Variants in MNAT1 observed in about 807,000 individuals in gnomAD.
MNAT1 encodes CDK-activating kinase assembly factor MAT1.
MNAT1 carries 43 observed loss-of-function variants against 42.0 expected under a neutral mutation model. That is an observed-to-expected ratio of 1.02 (90% CI 0.80 to 1.32). The LOEUF (loss-of-function observed/expected upper bound fraction) is 1.32, where lower values mean the gene tolerates loss of function less well. MNAT1 is among the 40% of genes most tolerant of loss of function. The pLI is 0.00. For missense variants in MNAT1, 306 were observed against 350.4 expected, an observed-to-expected ratio of 0.87 and a Z score of 1.01; for synonymous variants, 118 against 120.0, an observed-to-expected ratio of 0.98 and a Z score of 0.11.
intron 7 of MNAT1, among the ~76,000 whole-genome samples, chr14:60,898,105 G>T (rs1017653216): frequency 4.1e-5 from 1 of 24,582 alleles, no homozygotes; most frequent in Non-Finnish European, 1.5e-4. Context: ...TTGTGTGTGT[G>T]TGTGTGTGTG....
At chr14:60,741,062 C>T (rs950086523) in intron 1 of MNAT1, among the ~76,000 whole-genome samples, 1 of 152,092 alleles carries the variant, frequency 6.6e-6, no homozygotes, top group African/African-American at 2.4e-5. Context: ...GATTGTTATG[C>T]CTTCCTAATA....
intron 3 of MNAT1, among the ~76,000 whole-genome samples, chr14:60,806,954 T>C (rs2032390244): frequency 6.6e-6 from 1 of 152,186 alleles, no homozygotes; most frequent in African/African-American, 2.4e-5. Flanking sequence ...GTGTGATTTA[T>C]GAAGATTGTC....
At chr14:60,762,731 T>A (rs564585023) in intron 1 of MNAT1, among the ~76,000 whole-genome samples, 121 of 140,390 alleles carry the variant, frequency 8.6e-4, no homozygotes, top group South Asian at 8.2e-3. Flanking sequence ...AAAAAGACAT[T>A]GTGTGGTAAA....
chr14:60,916,035 G>A (rs979409390), intron 7 of MNAT1, among the ~76,000 whole-genome samples: 9 of 152,268 alleles, frequency 5.9e-5, no homozygotes, highest in African/African-American at 2.2e-4. Flanking sequence ...GAGCGCTGTG[G>A]TAACTTTTCC....
intron 6 of MNAT1, among the ~76,000 whole-genome samples, chr14:60,843,065 G>T (rs1428148458): frequency 6.6e-6 from 1 of 152,190 alleles, no homozygotes; most frequent in Non-Finnish European, 1.5e-5. Context: ...TACCTGAGCT[G>T]TTTATAGTTT....
At chr14:60,916,128 G>A (rs1044194408) in intron 7 of MNAT1, among the ~76,000 whole-genome samples, 2 of 152,188 alleles carry the variant, frequency 1.3e-5, no homozygotes, top group African/African-American at 4.8e-5. Flanking sequence ...ATAGCCTGAT[G>A]TTGGCTCTAT....
At chr14:60,966,751 T>A (rs879283464) in intron 7 of MNAT1, among the ~76,000 whole-genome samples, 1 of 152,206 alleles carries the variant, frequency 6.6e-6, no homozygotes, top group Non-Finnish European at 1.5e-5. Context: ...TGACTTCAGA[T>A]GATCCGCCCA....
At chr14:60,913,731 G>A (rs1303686995) in intron 7 of MNAT1, among the ~76,000 whole-genome samples, 1 of 152,162 alleles carries the variant, frequency 6.6e-6, no homozygotes, top group Non-Finnish European at 1.5e-5. Flanking sequence ...GTGTCAGTCT[G>A]CCCCTACTGG....
Position 60,869,023 on chromosome 14 carries a change from C to CATATATATATATATATATAT in MNAT1, c.688-10673_688-10672insATATATATATATATATATAT, listed in dbSNP as rs1169429243. On this transcript the variant is annotated intron_variant, in intron 6 of 7. Coordinates refer to ENST00000261245, the MANE Select transcript of MNAT1 (RefSeq NM_002431.4). ...CTTTTTTATATTGTGTTATTTTATA[C>CATATATATATATATATATAT]ATATATATATATATATATTTTTTTT... is the stretch of plus-strand genomic sequence containing the variant. 4.5e-3 allele frequency among the ~76,000 whole-genome samples: 454 copies of CATATATATATATATATATAT among 101,578 alleles called. 9 individuals are homozygous for CATATATATATATATATATAT. Among genetic ancestry groups the CATATATATATATATATATAT allele is most frequent in the Non-Finnish European group, 6.9e-3 (316 of 46,060 alleles). 66.6% of individuals were successfully genotyped at this position (101,578 alleles called of 152,430 possible).
chr14:60,828,043 TATG>T (rs1393048293), intron 6 of MNAT1, among the ~76,000 whole-genome samples: 3 of 152,190 alleles, frequency 2.0e-5, no homozygotes, highest in Non-Finnish European at 4.4e-5. Flanking sequence ...ATAAAATTTT[TATG>T]AAATGAATAG....
At chr14:60,742,914 A>G (rs1265874031) in intron 1 of MNAT1, among the ~76,000 whole-genome samples, 1 of 152,214 alleles carries the variant, frequency 6.6e-6, no homozygotes, top group Non-Finnish European at 1.5e-5. Flanking sequence ...CATTTGAGTC[A>G]TTTCTACTTT....
chr14:60,854,544 A>C (rs1012529195), intron 6 of MNAT1, among the ~76,000 whole-genome samples: 7 of 152,150 alleles, frequency 4.6e-5, no homozygotes, highest in African/African-American at 1.7e-4. Flanking sequence ...TAGTGCTTCT[A>C]ACAGTCAGTC....
chr14:60,766,702 C>T (rs1296072855), intron 1 of MNAT1, among the ~76,000 whole-genome samples: 1 of 152,128 alleles, frequency 6.6e-6, no homozygotes, highest in African/African-American at 2.4e-5. Context: ...GAGCAAGACT[C>T]CGTCTCAAAA....
rs1166330578 is a variant in MNAT1, at chr14:60,740,396, ATAGTTT to A, written c.89+5446_89+5451del. ...CTCTCTCATTTACTGATGTTACTGGATAGTTTATCCTGAAGAGTCCGAATTTTGCTT... is the reference window on the plus strand; with the variant it reads ...CTCTCTCATTTACTGATGTTACTGGAATCCTGAAGAGTCCGAATTTTGCTT... On this transcript the variant is annotated intron_variant, in intron 1 of 7. Coordinates refer to ENST00000261245, the MANE Select transcript of MNAT1 (RefSeq NM_002431.4). The surrounding 1 kb of genome is among the most constrained non-coding windows in gnomAD (Gnocchi z 4.1). 6.7e-6 allele frequency among the ~76,000 whole-genome samples: 1 copy of A among 150,144 alleles called. No individual in the cohort carries two copies. The highest frequency in any genetic ancestry group is 1.5e-5 in the Non-Finnish European group (1 of 67,508).
rs113746860 is a variant in MNAT1, at chr14:60,968,316, T to C, written c.897T>C (p.Asp299=). The change falls in exon 8 of 8, where the codon GAT becomes GAC. Residue 299 remains aspartate, a synonymous_variant. Transcript: ENST00000261245. The stretch of plus-strand genomic sequence containing the variant: ...TTGCTTGTCACAGAGCACTACAGGA[T>C]GCATTCAGTGGGCTTTTCTGGCAGC... ...SSLACHRALQ[D]AFSGLFWQPS 24 of 1,613,748 alleles carry C rather than the reference T, an allele frequency of 1.5e-5. No homozygotes were observed. The African/African-American group carries it at 2.1e-4, about 14-fold the overall frequency.
intron 1 of MNAT1, chr14:60,779,933 A>G (rs2031395500): frequency 1.6e-6 from 2 of 1,277,850 alleles, no homozygotes; most frequent in South Asian, 1.2e-5. Flanking sequence ...CCGTGTAGTG[A>G]AAGCGCGTGC....
chr14:60,847,541 A>T (rs1370597443), intron 6 of MNAT1, among the ~76,000 whole-genome samples: 6 of 151,848 alleles, frequency 4.0e-5, no homozygotes, highest in Admixed American at 3.9e-4. Flanking sequence ...TGTGTGCTGG[A>T]TGTTTTTCAT....
chr14:60,881,424 A>T (rs2139465955), intron 7 of MNAT1, among the ~76,000 whole-genome samples: 1 of 152,140 alleles, frequency 6.6e-6, no homozygotes, highest in South Asian at 2.1e-4. Context: ...GCCTCAAGTG[A>T]TCTGCCCACC....
In MNAT1 at chr14:60,953,566, A is replaced by G. The variant is rs376048558; in HGVS notation, c.810-14663A>G. On this transcript the variant is annotated intron_variant, in intron 7 of 7. Coordinates refer to ENST00000261245, the MANE Select transcript of MNAT1 (RefSeq NM_002431.4). ...TTGTATTGAAATTATCAAATAGAAGATAGAGGGTGGACAAGAACACTTACA... is the reference window on the plus strand; with the variant it reads ...TTGTATTGAAATTATCAAATAGAAGGTAGAGGGTGGACAAGAACACTTACA... Among the ~76,000 whole-genome samples the G allele has an allele frequency of 3.9e-5, 6 of 152,168 alleles. No homozygotes were observed. In the East Asian group the frequency reaches 1.2e-3, roughly 29 times the overall value.
Sources: gnomAD v4.1 joint callset for allele counts (sites outside exome capture counted in the v4.1 genomes callset) on GRCh38, gnomAD v4.1.1 for gene constraint, Gnocchi (gnomAD v3.1) non-coding constraint, MANE v1.5 for transcripts, NCBI Gene and HGNC (gene_info 2026-07-23, HGNC 2026-07-21) for gene names.